The following GNAZ variants were observed in gnomAD, a reference collection of about 807,000 sequenced individuals.
GNAZ encodes G protein subunit alpha z.
Under a neutral mutation model 25.4 loss-of-function variants are expected in GNAZ, and 3 were observed. The observed-to-expected ratio is 0.12, with a 90% CI of 0.05 to 0.30. The LOEUF (loss-of-function observed/expected upper bound fraction) is 0.30. Ranked by LOEUF, GNAZ falls within the 10% of genes least tolerant of loss-of-function variation. The pLI is 1.00. For missense variants in GNAZ, 241 were observed against 501.8 expected, an observed-to-expected ratio of 0.48 and a Z score of 4.97; for synonymous variants, 211 against 205.7, an observed-to-expected ratio of 1.03 and a Z score of -0.22.
chr22:23,082,354 G>A (rs1351744206), intron 1 of GNAZ, among the ~76,000 whole-genome samples: 1 of 150,242 alleles, frequency 6.7e-6, no homozygotes, highest in East Asian at 2.0e-4. Flanking sequence ...TGGGATTACA[G>A]GCGCACACCA....
At chr22:23,083,316 C>T (rs1045114478) in intron 1 of GNAZ, among the ~76,000 whole-genome samples, 10 of 151,896 alleles carry the variant, frequency 6.6e-5, no homozygotes, top group Admixed American at 6.6e-5. Context: ...CCACAGAGTC[C>T]CAGGGATATC....
At chr22:23,097,850 A>G (rs114243871) in intron 2 of GNAZ, among the ~76,000 whole-genome samples, 4,081 of 152,304 alleles carry the variant, frequency 0.027, 182 homozygotes, top group African/African-American at 0.094. Context: ...TGCCAGTCAC[A>G]CGGGCTTGCG....
intron 2 of GNAZ, among the ~76,000 whole-genome samples, chr22:23,106,461 C>T (rs1039137899): frequency 1.3e-5 from 2 of 151,362 alleles, no homozygotes; most frequent in African/African-American, 4.8e-5. Context: ...GGCCCTGGCA[C>T]TGTGGGTGGG....
chr22:23,102,899 C>T (rs1366794147), intron 2 of GNAZ, among the ~76,000 whole-genome samples: 1 of 152,236 alleles, frequency 6.6e-6, no homozygotes, highest in Non-Finnish European at 1.5e-5. Flanking sequence ...ACAAGTGTTC[C>T]TGCCACAACA....
intron 2 of GNAZ, among the ~76,000 whole-genome samples, chr22:23,111,713 C>CA (rs1446408280): frequency 2.0e-5 from 3 of 152,246 alleles, no homozygotes; most frequent in Non-Finnish European, 4.4e-5. Flanking sequence ...GAACACAAGA[C>CA]AGCCAGTACC....
chr22:23,105,613 G>A (rs544940588), intron 2 of GNAZ, among the ~76,000 whole-genome samples: 3 of 152,342 alleles, frequency 2.0e-5, no homozygotes, highest in Non-Finnish European at 4.4e-5. Context: ...ATCCTCTGGA[G>A]CTGAAACTAG....
chr22:23,111,683 G>T (rs1360281218), intron 2 of GNAZ, among the ~76,000 whole-genome samples: 2 of 152,242 alleles, frequency 1.3e-5, no homozygotes, highest in East Asian at 1.9e-4. Flanking sequence ...ACTGCAGTTT[G>T]GTGGGAGAAT....
At chr22:23,122,951 G>A in intron 2 of GNAZ, 136 bp from the exon 3 acceptor site, 1 of 628,128 alleles carries the variant, frequency 1.6e-6, no homozygotes, top group South Asian at 1.9e-5. Flanking sequence ...GGCTTCCCCA[G>A]CAGAAGGAGG....
In GNAZ at chr22:23,096,749, A is replaced by T. The variant is rs79077331; in HGVS notation, c.723+331A>T. Among the ~76,000 whole-genome samples, 1,259 of 152,346 alleles carry T rather than the reference A, an allele frequency of 8.3e-3. 13 individuals are homozygous for T. The highest frequency in any genetic ancestry group is 0.013 in the Non-Finnish European group (888 of 68,040). On this transcript the variant is annotated intron_variant, in intron 2 of 2. Coordinates refer to ENST00000615612, the MANE Select transcript of GNAZ (RefSeq NM_002073.4). ...CTGCCAGCACCAGTCTCCTACCAGC[A>T]TATAGGTCCAGGAACAGCAGCCACC... is the stretch of plus-strand genomic sequence containing the variant.
chr22:23,121,036 C>T (rs1249129759), intron 2 of GNAZ, among the ~76,000 whole-genome samples: 1 of 152,202 alleles, frequency 6.6e-6, no homozygotes, highest in South Asian at 2.1e-4. Flanking sequence ...TAATTACTCC[C>T]TCAGCAGAAT....
chr22:23,103,563 T>C (rs2069367939), intron 2 of GNAZ, among the ~76,000 whole-genome samples: 1 of 152,188 alleles, frequency 6.6e-6, no homozygotes, highest in Non-Finnish European at 1.5e-5. Flanking sequence ...CCAGAGCGGC[T>C]CTTCACTTGC....
intron 1 of GNAZ, among the ~76,000 whole-genome samples, chr22:23,087,386 C>T (rs1323246463): frequency 6.6e-6 from 1 of 152,146 alleles, no homozygotes; most frequent in Admixed American, 6.5e-5. Context: ...ATCGCTTGAG[C>T]CCGGGGGGTT....
rs11702951 is a variant in GNAZ, at chr22:23,081,500, A to T, written c.-450+10930A>T. ...CTTTTAGCCATCAACAGTTATTAGA[A>T]ATATATGTTATAGGCCAATCAGGTT... On this transcript the variant is annotated intron_variant, in intron 1 of 2. Transcript: ENST00000615612. Among the ~76,000 whole-genome samples, 437 of 152,284 alleles carry T rather than the reference A, an allele frequency of 2.9e-3. 1 individual carries two copies. The highest frequency in any genetic ancestry group is 4.8e-3 in the South Asian group (23 of 4,822).
At chr22:23,118,226 G>T (rs867475624) in intron 2 of GNAZ, among the ~76,000 whole-genome samples, 3 of 152,320 alleles carry the variant, frequency 2.0e-5, no homozygotes, top group South Asian at 2.1e-4. Flanking sequence ...GTGGCTGAAG[G>T]CCTGGTTACA....
rs1219356906 is a variant in GNAZ, at chr22:23,095,722, A to G, written c.27A>G (p.Glu9=). MGCRQSSE[E]KEAARRSRRI... is the part of the protein sequence containing the mutation. ...TGGGATGTCGGCAAAGCTCAGAGGA[A>G]AAAGAAGCAGCCCGGCGGTCCCGGA... is the stretch of plus-strand genomic sequence containing the variant. Residue 9 remains glutamate (E), a synonymous_variant, in exon 2 of 3, where the codon GAA becomes GAG. Transcript: ENST00000615612. 2 of 1,610,398 alleles carry G rather than the reference A, an allele frequency of 1.2e-6. No individual in the cohort carries two copies. Among genetic ancestry groups the G allele is most frequent in the Non-Finnish European group, 1.7e-6 (2 of 1,178,862 alleles).
At chr22:23,119,200 G>T (rs952155688) in intron 2 of GNAZ, among the ~76,000 whole-genome samples, 2 of 152,234 alleles carry the variant, frequency 1.3e-5, no homozygotes, top group Non-Finnish European at 2.9e-5. Flanking sequence ...TGCAGGCACC[G>T]CTGTGACACA....
At chr22:23,086,486 T>C (rs2068824078) in intron 1 of GNAZ, among the ~76,000 whole-genome samples, 1 of 152,184 alleles carries the variant, frequency 6.6e-6, no homozygotes, top group Non-Finnish European at 1.5e-5. Flanking sequence ...TGGACCTAGG[T>C]TCCCTGGGCA....
chr22:23,087,938 G>T (rs1182627244), intron 1 of GNAZ, among the ~76,000 whole-genome samples: 1 of 152,178 alleles, frequency 6.6e-6, no homozygotes. Context: ...TAATCTTGTG[G>T]CTAATGTGAG....
rs532161046 is a variant in GNAZ, at chr22:23,082,040, G to A, written c.-450+11470G>A. Among the ~76,000 whole-genome samples the A allele has an allele frequency of 7.6e-5, 11 of 144,994 alleles. No homozygotes were observed. The South Asian group carries it at 2.5e-3, about 33-fold the overall frequency. ...CTTGGGAGGCTGAGGCAGGAGAATG[G>A]CATGAACCCAGGACGCGGAGCTTGC... On this transcript the variant is annotated intron_variant, in intron 1 of 2. Transcript: ENST00000615612.
Sources: gnomAD v4.1 joint callset for allele counts (sites outside exome capture counted in the v4.1 genomes callset) on GRCh38, gnomAD v4.1.1 for gene constraint, MANE v1.5 for transcripts, NCBI Gene and HGNC (gene_info 2026-07-23, HGNC 2026-07-21) for gene names.